ITGAV: variants seen among roughly 807,000 people sequenced by gnomAD.
ITGAV encodes integrin subunit alpha V, also known as integrin alpha-V.
Under a neutral mutation model 143.8 loss-of-function variants are expected in ITGAV, and 76 were observed. That is an observed-to-expected ratio of 0.53 (90% CI 0.44 to 0.64). The LOEUF (loss-of-function observed/expected upper bound fraction) is 0.64, where lower values mean the gene tolerates loss of function less well. Ranked by LOEUF, ITGAV falls within the 30% of genes least tolerant of loss-of-function variation. ITGAV has a pLI of 0.00. For synonymous variants in ITGAV, 453 were observed against 446.7 expected (o/e 1.01, Z -0.18); for missense variants, 1,193 against 1,274.7 (o/e 0.94, Z 0.98).
chr2:186,624,947 A>G (rs1438413535), intron 3 of ITGAV, among the ~76,000 whole-genome samples: 2 of 13,430 alleles, frequency 1.5e-4, no homozygotes, highest in East Asian at 3.2e-3. Flanking sequence ...TTTGCTAACT[A>G]TTTTGAAAAA....
intron 13 of ITGAV, among the ~76,000 whole-genome samples, chr2:186,648,433 C>G (rs1305106419): frequency 1.3e-5 from 2 of 152,144 alleles, no homozygotes; most frequent in East Asian, 3.8e-4. Context: ...TGTATTTTAA[C>G]TAACAGTTTG....
intron 15 of ITGAV, 90 bp from the exon 16 acceptor site, chr2:186,654,560 C>A: frequency 1.6e-6 from 1 of 624,948 alleles, no homozygotes; most frequent in South Asian, 2.3e-5. Flanking sequence ...ACAATACAAA[C>A]TATGTAGTAG....
chr2:186,599,209 G>T (rs1686829655), intron 1 of ITGAV, among the ~76,000 whole-genome samples: 2 of 152,100 alleles, frequency 1.3e-5, no homozygotes, highest in South Asian at 4.2e-4. Context: ...CCTGTATCCT[G>T]CTTTATTTCC....
intron 12 of ITGAV, among the ~76,000 whole-genome samples, chr2:186,645,038 G>T (rs940575511): frequency 5.9e-5 from 9 of 152,164 alleles, no homozygotes; most frequent in Non-Finnish European, 1.2e-4. Context: ...TGATAGGCAA[G>T]ATACGACATG....
At chr2:186,627,123 G>A (rs1687696594) in intron 4 of ITGAV, among the ~76,000 whole-genome samples, 1 of 152,148 alleles carries the variant, frequency 6.6e-6, no homozygotes, top group African/African-American at 2.4e-5. Context: ...CACATCTCAT[G>A]GGGTTGAGAG....
At chr2:186,593,459 C>G (rs1022750128) in intron 1 of ITGAV, among the ~76,000 whole-genome samples, 26 of 75,082 alleles carry the variant, frequency 3.5e-4, no homozygotes, top group Non-Finnish European at 4.2e-4. Flanking sequence ...CATTCGCATT[C>G]TGTTTTTTTT....
In ITGAV at chr2:186,655,996, C is replaced by T. The variant is rs1688571382; in HGVS notation, c.1565-251C>T. On this transcript the variant is annotated intron_variant, in intron 16 of 29. Coordinates refer to ENST00000261023, the MANE Select transcript of ITGAV (RefSeq NM_002210.5). Reference sequence around the variant, plus strand: ...TTTCTCCTGTCTGATAATTGGCTTACTACTATCATTTTTTTGGGAATTATT... The same window carrying T: ...TTTCTCCTGTCTGATAATTGGCTTATTACTATCATTTTTTTGGGAATTATT... 2.0e-5 allele frequency among the ~76,000 whole-genome samples: 3 copies of T among 152,012 alleles called. No homozygotes were observed. The South Asian group carries it at 6.2e-4, about 32-fold the overall frequency.
In ITGAV at chr2:186,652,081, A is replaced by C; in HGVS notation, c.1497A>C (p.Lys499Asn). The C allele has an allele frequency of 1.9e-6, 3 of 1,581,968 alleles. No homozygotes were observed. Among genetic ancestry groups the C allele is most frequent in the Non-Finnish European group, 8.7e-7 (1 of 1,150,988 alleles). The change falls in exon 15 of 30, where the codon AAA becomes AAC. Residue 499 changes from lysine (K) to asparagine (N), a missense_variant. Lys to Asn is a moderately conservative substitution (Grantham distance 94, BLOSUM62 0). Transcript: ENST00000261023. ...KTCSLPGTAL[K>N]VSCFNVRFCL... ...GCTCACTGCCTGGAACAGCTCTCAA[A>C]GTTTCCTGGTAAGGGTATTTGTTTA...
chr2:186,663,389 T>A (rs1172647342), intron 18 of ITGAV, among the ~76,000 whole-genome samples: 6 of 152,206 alleles, frequency 3.9e-5, no homozygotes, highest in Admixed American at 1.3e-4. Flanking sequence ...GAGTCTATTT[T>A]GCCCAACATC....
intron 18 of ITGAV, among the ~76,000 whole-genome samples, chr2:186,659,999 A>G (rs534631255): frequency 1.3e-5 from 2 of 152,138 alleles, no homozygotes; most frequent in East Asian, 3.9e-4. Flanking sequence ...TTTTTAATGA[A>G]TGCACAATAT....
chr2:186,606,697 G>A (rs1687075067), intron 2 of ITGAV, among the ~76,000 whole-genome samples: 1 of 151,862 alleles, frequency 6.6e-6, no homozygotes, highest in African/African-American at 2.4e-5. Flanking sequence ...TCTTTTCTTA[G>A]TCAGTCACAT....
chr2:186,663,319 C>T (rs1279676865), intron 18 of ITGAV, among the ~76,000 whole-genome samples: 2 of 152,124 alleles, frequency 1.3e-5, no homozygotes, highest in African/African-American at 4.8e-5. Flanking sequence ...CTTTTATCCT[C>T]TGCAGCCCTA....
At chr2:186,668,952 A>G (rs758258942) in intron 25 of ITGAV, 32 bp downstream of exon 25, 4 of 1,501,836 alleles carry the variant, frequency 2.7e-6, no homozygotes, top group Admixed American at 4.2e-5. Context: ...CTTCATTACA[A>G]TGATATTTCA....
intron 4 of ITGAV, among the ~76,000 whole-genome samples, chr2:186,626,442 C>A (rs778017865): frequency 2.2e-4 from 34 of 152,272 alleles, no homozygotes; most frequent in Non-Finnish European, 4.4e-4. Flanking sequence ...GTGTTTATGC[C>A]TAGAGCCCTT....
chr2:186,594,610 T>C (rs1686697855), intron 1 of ITGAV, among the ~76,000 whole-genome samples: 1 of 152,210 alleles, frequency 6.6e-6, no homozygotes, highest in Non-Finnish European at 1.5e-5. Context: ...ACATCCTTTT[T>C]CATCCTGGTA....
chr2:186,642,472 T>C (rs537848079), intron 12 of ITGAV, among the ~76,000 whole-genome samples: 1 of 152,292 alleles, frequency 6.6e-6, no homozygotes, highest in East Asian at 1.9e-4. Context: ...TGTCATTTAC[T>C]AGATGTGTCA....
At chr2:186,659,918 G>A (rs1454414624) in intron 18 of ITGAV, among the ~76,000 whole-genome samples, 1 of 151,368 alleles carries the variant, frequency 6.6e-6, no homozygotes, top group Non-Finnish European at 1.5e-5. Flanking sequence ...TAGTATATGT[G>A]CCATTTTCTA....
Position 186,606,679 on chromosome 2 carries a change from A to G in ITGAV, c.316+4528A>G, listed in dbSNP as rs1220270678. Among the ~76,000 whole-genome samples the G allele has an allele frequency of 1.3e-5, 2 of 152,108 alleles. 1 individual carries two copies. The highest frequency in any genetic ancestry group is 6.3e-3 in the Middle Eastern group (2 of 316). ...ACTAATCAAAAACTGTTTTCCCTTG[A>G]ACATGTATCTTTTCTTAGTCAGTCA... is the stretch of plus-strand genomic sequence containing the variant. On this transcript the variant is annotated intron_variant, in intron 2 of 29. Transcript: ENST00000261023.
chr2:186,640,867 A>T, intron 10 of ITGAV, 48 bp from the exon 11 acceptor site: 1 of 1,440,428 alleles, frequency 6.9e-7, no homozygotes, highest in East Asian at 2.4e-5. Flanking sequence ...TAATTGTCTA[A>T]ACTAATTGGA....
Sources: allele counts gnomAD v4.1 joint callset (sites outside exome capture counted in the v4.1 genomes callset), GRCh38; gene constraint gnomAD v4.1.1; transcripts MANE v1.5; gene names NCBI Gene and HGNC (gene_info 2026-07-23, HGNC 2026-07-21).